OR2A12: variants seen among roughly 807,000 people sequenced by gnomAD.
OR2A12 encodes olfactory receptor 2A12.
For missense variants in OR2A12, 380 were observed against 372.5 expected (o/e 1.02, Z -0.17); for synonymous variants, 153 against 149.3 (o/e 1.02, Z -0.18).
In OR2A12 at chr7:144,095,912, C is replaced by T. The variant is rs777254123; in HGVS notation, c.805C>T (p.Arg269Trp). Residue 269 changes from arginine (R) to tryptophan (W), a missense_variant, in exon 2 of 2, where the codon CGG becomes TGG. Transcript: ENST00000641592. Reference protein sequence around the residue: ...MAPKSSHSQERRKILSLFYSL... With the variant: ...MAPKSSHSQEWRKILSLFYSL... ...CCCCAAGTCAAGCCATTCTCAAGAACGGAGGAAGATCCTTTCCCTGTTTTA... is the reference window on the plus strand; with the variant it reads ...CCCCAAGTCAAGCCATTCTCAAGAATGGAGGAAGATCCTTTCCCTGTTTTA... 23 of 1,613,954 alleles carry T rather than the reference C, an allele frequency of 1.4e-5. No individual in the cohort carries two copies. Among genetic ancestry groups the T allele is most frequent in the Middle Eastern group, 3.3e-4 (2 of 6,084 alleles).
intron 1 of OR2A12, among the ~76,000 whole-genome samples, chr7:144,088,536 A>G (rs1177137801): frequency 1.3e-5 from 2 of 152,232 alleles, no homozygotes; most frequent in East Asian, 1.9e-4. Flanking sequence ...TGATAAAAAA[A>G]CTTGCTGGTA....
At chr7:144,087,787 C>G (rs552499189) in intron 1 of OR2A12, among the ~76,000 whole-genome samples, 1 of 152,254 alleles carries the variant, frequency 6.6e-6, no homozygotes, top group Non-Finnish European at 1.5e-5. Flanking sequence ...GAAACGTTCG[C>G]TACTCTCAAA....
Position 144,095,623 on chromosome 7 carries a change from G to T in OR2A12, c.516G>T (p.Lys172Asn), listed in dbSNP as rs777960925. Residue 172 changes from lysine to asparagine, a missense_variant, in exon 2 of 2, where the codon AAG (lysine) becomes AAT (asparagine). Coordinates refer to ENST00000641592, the MANE Select transcript of OR2A12 (RefSeq NM_001004135.2). ...ILRLPFCGPQ[K>N]INHFFCQIMS... ...GGCTGCCTTTTTGTGGCCCACAAAA[G>T]ATCAACCACTTTTTCTGTCAAATCA... 1.2e-5 allele frequency: 19 copies of T among 1,614,110 alleles called. No individual in the cohort carries two copies. The highest frequency in any genetic ancestry group is 3.3e-5 in the Admixed American group (2 of 60,008).
intron 1 of OR2A12, among the ~76,000 whole-genome samples, chr7:144,088,122 C>A (rs1165463035): frequency 6.6e-6 from 1 of 152,218 alleles, no homozygotes; most frequent in Non-Finnish European, 1.5e-5. Flanking sequence ...AGCAATTCTC[C>A]TGCCTCAGCC....
Position 144,095,478 on chromosome 7 carries a change from C to T in OR2A12, c.371C>T (p.Ala124Val), listed in dbSNP as rs758107776. Residue 124 changes from alanine to valine, a missense_variant, in exon 2 of 2, where the codon GCA becomes GTA. Coordinates refer to ENST00000641592, the MANE Select transcript of OR2A12 (RefSeq NM_001004135.2). Reference sequence around the variant, plus strand: ...ATGATGTGCTATGATCGGTATGTGGCAATCTGTCACCCCTTGCAATACACC... The same window carrying T: ...ATGATGTGCTATGATCGGTATGTGGTAATCTGTCACCCCTTGCAATACACC... The part of the protein sequence containing the change: ...LVMMCYDRYV[A>V]ICHPLQYTLI... 13 of 1,613,770 alleles carry T rather than the reference C, an allele frequency of 8.1e-6. No homozygotes were observed. The Admixed American group carries it at 2.2e-4, about 27-fold the overall frequency.
rs574337900 is a variant in OR2A12, at chr7:144,098,035, A to T, written c.*1995A>T. 4 of 152,318 alleles carry T rather than the reference A, an allele frequency of 2.6e-5. No individual in the cohort carries two copies. In the East Asian group the frequency reaches 5.8e-4, roughly 22 times the overall value. 9.4% of individuals were successfully genotyped at this position (152,318 alleles called of 1,614,324 possible). A position where few individuals can be genotyped will look rare whatever the true frequency, so the allele number is the denominator to read the frequency against. On this transcript the variant is annotated 3_prime_UTR_variant, in exon 2 of 2. Coordinates refer to ENST00000641592, the MANE Select transcript of OR2A12 (RefSeq NM_001004135.2). ...ACTTATGTTAATCAAAACAGGGCAT[A>T]AAAAGTGAAAGGACAAGCCACAAAA...
intron 1 of OR2A12, 83 bp from the exon 2 acceptor site, chr7:144,094,974 A>AT: frequency 1.6e-6 from 1 of 625,192 alleles, no homozygotes; most frequent in Non-Finnish European, 2.8e-6. Flanking sequence ...TTTGGGCTGG[A>AT]TGTACCCATG....
At chr7:144,092,543 A>C (rs1393627038) in intron 1 of OR2A12, among the ~76,000 whole-genome samples, 1 of 151,954 alleles carries the variant, frequency 6.6e-6, no homozygotes, top group Non-Finnish European at 1.5e-5. Context: ...CATTGTTGAG[A>C]TCTTTCACCT....
chr7:144,094,400 A>G (rs1161859519), intron 1 of OR2A12, among the ~76,000 whole-genome samples: 1 of 152,192 alleles, frequency 6.6e-6, no homozygotes, highest in Non-Finnish European at 1.5e-5. Flanking sequence ...CCTGAGCTTC[A>G]AACAATCACA....
intron 1 of OR2A12, 115 bp from the exon 2 acceptor site, chr7:144,094,942 T>C (rs1163435828): frequency 2.0e-6 from 1 of 509,788 alleles, no homozygotes; most frequent in African/African-American, 1.9e-5. Flanking sequence ...AAAGCCAAAT[T>C]TGTAAGTCAA....
chr7:144,096,236 C>T lies in OR2A12; in HGVS notation c.*196C>T, dbSNP rs763485630. ...TTGGGAGGCTGACCTGGGCGGATTACCTGAGGTCAGGAGTTCGAGACCAGC... is the reference window on the plus strand; with the variant it reads ...TTGGGAGGCTGACCTGGGCGGATTATCTGAGGTCAGGAGTTCGAGACCAGC... On this transcript the variant is annotated 3_prime_UTR_variant, in exon 2 of 2. Coordinates refer to ENST00000641592, the MANE Select transcript of OR2A12 (RefSeq NM_001004135.2). 4.3e-6 allele frequency: 2 copies of T among 465,424 alleles called. No homozygotes were observed. The highest frequency in any genetic ancestry group is 7.6e-6 in the Non-Finnish European group (2 of 264,132). The allele number at this position is 465,424 out of a possible 1,614,324, so 28.8% of individuals were successfully genotyped here.
At chr7:144,086,910 C>T (rs138237404) in intron 1 of OR2A12, among the ~76,000 whole-genome samples, 2 of 152,306 alleles carry the variant, frequency 1.3e-5, no homozygotes, top group African/African-American at 4.8e-5. Context: ...ACGGAGACCC[C>T]TTCCTGGCAC....
rs548717918 is a variant in OR2A12, at chr7:144,090,203, G to C, written c.-52+3660G>C. ...TTATTAGATCATTGCTTTTACCTTT[G>C]ATAATTTTTAATATTACCTCTTACT... On this transcript the variant is annotated intron_variant, in intron 1 of 1. Transcript: ENST00000641592. 4.6e-5 allele frequency among the ~76,000 whole-genome samples: 7 copies of C among 151,910 alleles called. No individual in the cohort carries two copies. In the East Asian group the frequency reaches 1.4e-3, roughly 29 times the overall value.
intron 1 of OR2A12, among the ~76,000 whole-genome samples, chr7:144,086,958 G>A (rs1413017451): frequency 6.6e-6 from 1 of 152,122 alleles, no homozygotes; most frequent in Non-Finnish European, 1.5e-5. Flanking sequence ...TACTTACAGT[G>A]TCAAAACGTT....
rs2128803552 is a variant in OR2A12 at position 144,097,992 on chromosome 7, A to T, written c.*1952A>T. The T allele has an allele frequency of 6.6e-6, 1 of 152,288 alleles. No homozygotes were observed. Among genetic ancestry groups the T allele is most frequent in the South Asian group, 2.1e-4 (1 of 4,818 alleles). The allele number at this position is 152,288 out of a possible 1,614,324, so 9.4% of individuals were successfully genotyped here. ...TTAAATAAAAATATTAGTGTATGTG[A>T]CTGGGTTGAAATTAAGAACTTATGT... On this transcript the variant is annotated 3_prime_UTR_variant, in exon 2 of 2. Transcript: ENST00000641592.
In OR2A12 at chr7:144,095,380, C is replaced by A; in HGVS notation, c.273C>A (p.Ile91=). 1 of 1,613,740 alleles carries A rather than the reference C, an allele frequency of 6.2e-7. No homozygotes were observed. Among genetic ancestry groups the A allele is most frequent in the Non-Finnish European group, 8.5e-7 (1 of 1,179,644 alleles). ...LANLVMHKKV[I]SFAPCILQTF... ...ATCTTGTGATGCACAAAAAAGTCAT[C>A]TCCTTTGCTCCTTGCATACTTCAGA... is the stretch of plus-strand genomic sequence containing the variant. The change falls in exon 2 of 2, where the codon ATC becomes ATA. Residue 91 remains isoleucine, a synonymous_variant. Coordinates refer to ENST00000641592, the MANE Select transcript of OR2A12 (RefSeq NM_001004135.2).
chr7:144,098,510 G>T lies in OR2A12; in HGVS notation c.*2470G>T, dbSNP rs1057294654. 2 of 152,094 alleles carry T rather than the reference G, an allele frequency of 1.3e-5. No homozygotes were observed. Among genetic ancestry groups the T allele is most frequent in the Non-Finnish European group, 2.9e-5 (2 of 68,010 alleles). The allele number at this position is 152,094 out of a possible 1,614,324, so 9.4% of individuals were successfully genotyped here. On this transcript the variant is annotated 3_prime_UTR_variant, in exon 2 of 2. Coordinates refer to ENST00000641592, the MANE Select transcript of OR2A12 (RefSeq NM_001004135.2). Reference sequence around the variant, plus strand: ...TTTCTATTTTGCACATGAGAAGATCGAGGAACACAGAGGTTGAGTAACTTA... The same window carrying T: ...TTTCTATTTTGCACATGAGAAGATCTAGGAACACAGAGGTTGAGTAACTTA...
At chr7:144,092,790 T>C (rs1034968221) in intron 1 of OR2A12, among the ~76,000 whole-genome samples, 15 of 152,160 alleles carry the variant, frequency 9.9e-5, no homozygotes, top group Admixed American at 6.5e-5. Context: ...AAAAATGAAT[T>C]TTGCAGTTCT....
At chr7:144,089,303 G>GGTGTGC (rs1162334387) in intron 1 of OR2A12, among the ~76,000 whole-genome samples, 1 of 151,066 alleles carries the variant, frequency 6.6e-6, no homozygotes, top group Non-Finnish European at 1.5e-5. Flanking sequence ...TCGGTGTGGG[G>GGTGTGC]GTGTGCGTGT....
Sources: allele counts gnomAD v4.1 joint callset (sites outside exome capture counted in the v4.1 genomes callset), GRCh38; gene constraint gnomAD v4.1.1; transcripts MANE v1.5; gene names NCBI Gene and HGNC (gene_info 2026-07-23, HGNC 2026-07-21).